Variants in KCNT2 observed in about 807,000 individuals in gnomAD.
KCNT2 encodes potassium sodium-activated channel subfamily T member 2.
KCNT2 carries 67 observed loss-of-function variants against 153.8 expected under a neutral mutation model. That is an observed-to-expected ratio of 0.44 (90% CI 0.36 to 0.53). The LOEUF (loss-of-function observed/expected upper bound fraction) is 0.53. Ranked by LOEUF, KCNT2 falls within the 20% of genes least tolerant of loss-of-function variation. The pLI, the probability that KCNT2 is intolerant of heterozygous loss-of-function variation, is 0.00. For synonymous variants in KCNT2, 500 were observed against 458.8 expected (o/e 1.09, Z -1.15); for missense variants, 975 against 1,354.8 (o/e 0.72, Z 4.40).
intron 14 of KCNT2, among the ~76,000 whole-genome samples, chr1:196,368,663 A>C (rs1005497223): frequency 6.6e-6 from 1 of 152,070 alleles, no homozygotes; most frequent in African/African-American, 2.4e-5. Context: ...ATCCTATCTC[A>C]GTGTTATTTT....
At chr1:196,475,758 T>C (rs1474300037) in intron 5 of KCNT2, among the ~76,000 whole-genome samples, 1 of 152,152 alleles carries the variant, frequency 6.6e-6, no homozygotes, top group Admixed American at 6.6e-5. Context: ...ACCAAAGAGA[T>C]TCACAGATTG....
intron 13 of KCNT2, among the ~76,000 whole-genome samples, chr1:196,395,152 G>C (rs1267769091): frequency 6.6e-6 from 1 of 150,946 alleles, no homozygotes; most frequent in South Asian, 2.1e-4. Context: ...ATATTACTCG[G>C]TTTGTTTTCC....
chr1:196,335,544 A>C (rs961611742), intron 16 of KCNT2, among the ~76,000 whole-genome samples: 2 of 152,172 alleles, frequency 1.3e-5, no homozygotes, highest in African/African-American at 4.8e-5. Context: ...ATGGTATTAC[A>C]ATCTTATTGG....
chr1:196,514,875 C>T (rs970282204), intron 1 of KCNT2, among the ~76,000 whole-genome samples: 1 of 151,998 alleles, frequency 6.6e-6, no homozygotes, highest in Non-Finnish European at 1.5e-5. Context: ...CATGGAGGTA[C>T]CTCTCAGACC....
At chr1:196,256,529 AT>A (rs1214984212) in intron 26 of KCNT2, among the ~76,000 whole-genome samples, 1 of 151,986 alleles carries the variant, frequency 6.6e-6, no homozygotes, top group East Asian at 1.9e-4. Context: ...TTTGAAAAAA[AT>A]ATTAGCAATT....
chr1:196,488,896 G>A (rs1438636544), intron 3 of KCNT2, among the ~76,000 whole-genome samples: 2 of 151,982 alleles, frequency 1.3e-5, no homozygotes, highest in African/African-American at 4.8e-5. Flanking sequence ...GCAATGCTTT[G>A]GCTGTTGTGA....
intron 1 of KCNT2, among the ~76,000 whole-genome samples, chr1:196,586,724 AC>A (rs66478707): frequency 0.13 from 19,132 of 151,838 alleles, 3,774 homozygotes; most frequent in African/African-American, 0.42. Context: ...ATTAAAAAAA[AC>A]AACAACAACA....
intron 13 of KCNT2, among the ~76,000 whole-genome samples, chr1:196,396,710 T>C (rs982757457): frequency 6.6e-6 from 1 of 151,618 alleles, no homozygotes; most frequent in African/African-American, 2.4e-5. Flanking sequence ...TCATCAGGTG[T>C]CAAAATGAGA....
chr1:196,606,199 C>A (rs2149042758), intron 1 of KCNT2, among the ~76,000 whole-genome samples: 1 of 152,204 alleles, frequency 6.6e-6, no homozygotes. Flanking sequence ...GTATAATTCC[C>A]ATTATAAAAA....
chr1:196,511,785 G>A (rs1162772436), intron 1 of KCNT2, among the ~76,000 whole-genome samples: 1 of 152,124 alleles, frequency 6.6e-6, no homozygotes, highest in Non-Finnish European at 1.5e-5. Flanking sequence ...AAGAACACAA[G>A]TCAGATTGGA....
intron 14 of KCNT2, among the ~76,000 whole-genome samples, chr1:196,359,528 T>C (rs1355458145): frequency 6.6e-6 from 1 of 152,018 alleles, no homozygotes; most frequent in East Asian, 1.9e-4. Context: ...TTCATTTATT[T>C]AACTAATATT....
At chr1:196,594,334 G>T (rs1249805291) in intron 1 of KCNT2, among the ~76,000 whole-genome samples, 1 of 152,094 alleles carries the variant, frequency 6.6e-6, no homozygotes, top group East Asian at 1.9e-4. Flanking sequence ...CAATGCCTAG[G>T]CTTAGAATGA....
intron 19 of KCNT2, among the ~76,000 whole-genome samples, chr1:196,325,288 T>C (rs2148065027): frequency 6.6e-6 from 1 of 152,270 alleles, no homozygotes; most frequent in South Asian, 2.1e-4. Context: ...TACCTTCCTG[T>C]CTGTAACCTG....
intron 8 of KCNT2, among the ~76,000 whole-genome samples, chr1:196,454,290 C>T (rs1676467190): frequency 6.6e-6 from 1 of 151,822 alleles, no homozygotes; most frequent in Admixed American, 6.6e-5. Flanking sequence ...GTGCATGATG[C>T]TAAGGTTTGG....
chr1:196,283,642 A>G (rs1326304379), intron 23 of KCNT2, among the ~76,000 whole-genome samples: 4 of 152,126 alleles, frequency 2.6e-5, no homozygotes, highest in African/African-American at 4.8e-5. Flanking sequence ...TTCAAGAACC[A>G]TTGACAGTAG....
intron 16 of KCNT2, among the ~76,000 whole-genome samples, 164 bp downstream of exon 16, chr1:196,340,177 A>C (rs1461269909): frequency 6.6e-6 from 1 of 152,006 alleles, no homozygotes; most frequent in African/African-American, 2.4e-5. Context: ...AAAATTCACA[A>C]CTTAGAACTG....
At chr1:196,281,456 G>A (rs774772221) in intron 24 of KCNT2, among the ~76,000 whole-genome samples, 39 of 152,102 alleles carry the variant, frequency 2.6e-4, no homozygotes, top group Admixed American at 3.9e-4. Context: ...TACCAAATGC[G>A]AAGTGCAAAA....
At chr1:196,264,495 A>T (rs1467364173) in intron 25 of KCNT2, among the ~76,000 whole-genome samples, 1 of 152,124 alleles carries the variant, frequency 6.6e-6, no homozygotes, top group African/African-American at 2.4e-5. Flanking sequence ...CATTTTTGAC[A>T]TTAGACTGCT....
chr1:196,527,862 G>A (rs891981807), intron 1 of KCNT2, among the ~76,000 whole-genome samples: 3 of 152,160 alleles, frequency 2.0e-5, no homozygotes, highest in African/African-American at 7.2e-5. Context: ...GTCTGGTCTT[G>A]TATCATGGCT....
Sources: allele counts gnomAD v4.1 joint callset (sites outside exome capture counted in the v4.1 genomes callset), GRCh38; gene constraint gnomAD v4.1.1; transcripts MANE v1.5; gene names NCBI Gene and HGNC (gene_info 2026-07-23, HGNC 2026-07-21).